Variants in AMD1 observed in about 807,000 individuals in gnomAD.
AMD1 encodes adenosylmethionine decarboxylase 1, also known as S-adenosylmethionine decarboxylase proenzyme.
A neutral mutation model predicts 40.2 loss-of-function variants in AMD1; 11 were observed. That is an observed-to-expected ratio of 0.27 (90% CI 0.17 to 0.45). AMD1 has a LOEUF of 0.45. Among genes scored for constraint, AMD1 ranks in the 20% least tolerant of loss-of-function variants. The pLI, the probability that AMD1 is intolerant of heterozygous loss-of-function variation, is 1.00. For missense variants in AMD1, 257 were observed against 410.2 expected, an observed-to-expected ratio of 0.63 and a Z score of 3.23; for synonymous variants, 121 against 130.8, an observed-to-expected ratio of 0.93 and a Z score of 0.51.
the AMD1 span, among the ~76,000 whole-genome samples, chr6:110,823,985 C>A: frequency 6.6e-6 from 1 of 152,140 alleles, no homozygotes; most frequent in Non-Finnish European, 1.5e-5. Context: ...TAAATTAGTA[C>A]AACCTCTATG....
chr6:110,863,804 A>G, the AMD1 span: 50 of 327,340 alleles, frequency 1.5e-4, no homozygotes, highest in African/African-American at 1.0e-3. Context: ...ACTTACCATG[A>G]AACAAATGGC....
the AMD1 span, among the ~76,000 whole-genome samples, chr6:110,843,090 G>A: frequency 2.0e-4 from 30 of 151,372 alleles, no homozygotes; most frequent in Non-Finnish European, 1.5e-5. Context: ...CCGAGATCGG[G>A]CCACTGCACT....
At chr6:110,859,225 T>C in the AMD1 span, 1 of 618,646 alleles carries the variant, frequency 1.6e-6, no homozygotes, top group Non-Finnish European at 2.7e-6. Context: ...TCTTTTTTTT[T>C]CTTAACCTGT....
chr6:110,887,684 T>A, intron 2 of AMD1, 93 bp downstream of exon 2: 1 of 954,980 alleles, frequency 1.0e-6, no homozygotes, highest in Non-Finnish European at 1.5e-6. Flanking sequence ...TTCTGGGGGT[T>A]TTTTTGTTTT....
the AMD1 span, among the ~76,000 whole-genome samples, chr6:110,832,995 ATT>A: frequency 4.6e-5 from 7 of 151,890 alleles, no homozygotes; most frequent in Non-Finnish European, 4.4e-5. Flanking sequence ...CAATTTTTGT[ATT>A]TTCAGTAGAG....
chr6:110,820,385 C>T, the AMD1 span, among the ~76,000 whole-genome samples: 1 of 151,884 alleles, frequency 6.6e-6, no homozygotes. Flanking sequence ...TATAGGCATG[C>T]ACTCGCATGC....
chr6:110,816,312 A>G, the AMD1 span, among the ~76,000 whole-genome samples: 7 of 152,190 alleles, frequency 4.6e-5, no homozygotes, highest in African/African-American at 9.7e-5. Context: ...TTTATGGTCT[A>G]TGCATGATGT....
the AMD1 span, among the ~76,000 whole-genome samples, chr6:110,846,310 A>T: frequency 5.9e-5 from 9 of 152,120 alleles, no homozygotes; most frequent in African/African-American, 2.2e-4. Context: ...TTCATGTGGA[A>T]CTCAGGTGAA....
At chr6:110,885,805 G>T (rs1011933350) in intron 1 of AMD1, among the ~76,000 whole-genome samples, 2 of 152,198 alleles carry the variant, frequency 1.3e-5, no homozygotes, top group African/African-American at 2.4e-5. Flanking sequence ...GATGGGTATT[G>T]GTACGCAGAT....
chr6:110,885,423 T>TGTC (rs1785627079), intron 1 of AMD1, among the ~76,000 whole-genome samples: 2 of 150,410 alleles, frequency 1.3e-5, no homozygotes, highest in Non-Finnish European at 3.0e-5. Flanking sequence ...AAGTTTTTGT[T>TGTC]GTTTTTGTTT....
At chr6:110,883,861 G>A (rs1785540697) in intron 1 of AMD1, among the ~76,000 whole-genome samples, 1 of 152,116 alleles carries the variant, frequency 6.6e-6, no homozygotes. Context: ...AGAGTGCTGG[G>A]ATTACAGGCG....
At chr6:110,872,297 T>C (rs1459300843), upstream of AMD1, among the ~76,000 whole-genome samples, 1 of 152,068 alleles carries the variant, frequency 6.6e-6, no homozygotes, top group South Asian at 2.1e-4. Flanking sequence ...AAGGTAGAAG[T>C]GGGGTCAAGT....
the AMD1 span, among the ~76,000 whole-genome samples, chr6:110,861,415 T>C: frequency 6.7e-6 from 1 of 148,298 alleles, no homozygotes; most frequent in Non-Finnish European, 1.5e-5. Context: ...TCCCAGCTAC[T>C]CAGGAGGCTG....
At chr6:110,867,383 G>A in the AMD1 span, among the ~76,000 whole-genome samples, 17 of 152,092 alleles carry the variant, frequency 1.1e-4, no homozygotes, top group Admixed American at 9.2e-4. Context: ...AGTAAATACA[G>A]GCCAGGTGTG....
Position 110,892,448 on chromosome 6 carries a change from G to A in AMD1, c.615+5G>A. On this transcript the variant is annotated splice_donor_5th_base_variant and intron_variant, in intron 6 of 8. Transcript: ENST00000368885. ...ACTGCAAAGGATGTCACTCGTGTAA[G>A]CATTTTTAGTAATAATTGTTGCTGG... is the stretch of plus-strand genomic sequence containing the variant. 2 of 1,611,740 alleles carry A rather than the reference G, an allele frequency of 1.2e-6. No homozygotes were observed. The highest frequency in any genetic ancestry group is 1.1e-5 in the South Asian group (1 of 90,944).
At chr6:110,829,360 T>C in the AMD1 span, among the ~76,000 whole-genome samples, 6 of 146,164 alleles carry the variant, frequency 4.1e-5, no homozygotes, top group South Asian at 2.2e-4. Flanking sequence ...GACAAAACTC[T>C]ATCTCTACCA....
the AMD1 span, among the ~76,000 whole-genome samples, chr6:110,837,734 AAAAAAAAAAAAATATATATATATAT>A: frequency 1.0e-4 from 11 of 109,200 alleles, no homozygotes; most frequent in Non-Finnish European, 1.5e-4. Context: ...AAAAAAAAAA[AAAAAAAAAAAAATATATATATATAT>A]ATATATATAT....
intron 4 of AMD1, chr6:110,891,918 T>C: frequency 3.9e-6 from 2 of 519,078 alleles, no homozygotes; most frequent in South Asian, 4.5e-5. Flanking sequence ...ACTTTTTGTA[T>C]TTTTAGTAGC....
At chr6:110,826,271 CAAAAAAAAAAAAA>C in the AMD1 span, among the ~76,000 whole-genome samples, 18 of 59,346 alleles carry the variant, frequency 3.0e-4, no homozygotes, top group African/African-American at 4.1e-4. Flanking sequence ...GACACCATCC[CAAAAAAAAAAAAA>C]AAAAAAAAAA....
Sources: allele counts gnomAD v4.1 joint callset (sites outside exome capture counted in the v4.1 genomes callset), GRCh38; gene constraint gnomAD v4.1.1; transcripts MANE v1.5; gene names NCBI Gene and HGNC (gene_info 2026-07-23, HGNC 2026-07-21).